The following RBPJ variants were observed in gnomAD, a reference collection of about 807,000 sequenced individuals.
The protein encoded by RBPJ is recombination signal binding protein for immunoglobulin kappa J region, also known as recombining binding protein suppressor of hairless.
A neutral mutation model predicts 67.8 loss-of-function variants in RBPJ; 9 were observed. That is an observed-to-expected ratio of 0.13 (90% CI 0.08 to 0.23). RBPJ has a LOEUF of 0.23. Among genes scored for constraint, RBPJ ranks in the 10% least tolerant of loss-of-function variants. The probability of loss-of-function intolerance (pLI) is 1.00; values close to 1 mark genes in which losing one functional copy is unlikely to be tolerated. For synonymous variants in RBPJ, 198 were observed against 203.3 expected (o/e 0.97, Z 0.22); for missense variants, 305 against 595.6 (o/e 0.51, Z 5.08).
chr4:26,384,772 T>TCCTCCTCTCTCCTCTCC, intron 1 of RBPJ, among the ~76,000 whole-genome samples: 1 of 148,676 alleles, frequency 6.7e-6, no homozygotes, highest in Non-Finnish European at 1.5e-5. Flanking sequence ...CTATTCCCTC[T>TCCTCCTCTCTCCTCTCC]CCTCCTCTCT....
chr4:26,409,619 C>T (rs950003666), intron 3 of RBPJ, among the ~76,000 whole-genome samples: 2 of 152,186 alleles, frequency 1.3e-5, no homozygotes, highest in Non-Finnish European at 2.9e-5. Flanking sequence ...CCTGCCTCAG[C>T]CTCCCAAGTA....
At chr4:26,363,999 A>C (rs1446462851) in intron 1 of RBPJ, among the ~76,000 whole-genome samples, 4 of 152,194 alleles carry the variant, frequency 2.6e-5, no homozygotes, top group Non-Finnish European at 5.9e-5. Context: ...TTTGGTATTA[A>C]ATGTTCTTTT....
rs1469941014 is a variant in RBPJ at position 26,311,262 on chromosome 4, CG to C, written c.-166-51183del. Among the ~76,000 whole-genome samples, 4 of 152,102 alleles carry C rather than the reference CG, an allele frequency of 2.6e-5. No individual in the cohort carries two copies. The South Asian group carries it at 6.2e-4, about 24-fold the overall frequency. The stretch of plus-strand genomic sequence containing the variant: ...TGAAATGCATCACTGTGGGGCCAGG[CG>C]CGGTGGCTCACGCCTGTAATCCTAG... On this transcript the variant is annotated intron_variant, in intron 1 of 4. Coordinates refer to the RBPJ transcript ENST00000512351.
In RBPJ at chr4:26,386,405, T is replaced by G. The variant is rs199615378; in HGVS notation, c.59+14T>G. ...ACGACTTACTAGGTGAGTATTATAT[T>G]AGTCAGCTTTTTACACATACATTTT... On this transcript the variant is annotated intron_variant, in intron 2 of 10. Coordinates refer to ENST00000355476, the MANE Select transcript of RBPJ (RefSeq NM_015874.6). 1 of 1,563,750 alleles carries G rather than the reference T, an allele frequency of 6.4e-7. No individual in the cohort carries two copies. The highest frequency in any genetic ancestry group is 1.8e-5 in the Admixed American group (1 of 55,792).
rs577249360 is a variant in RBPJ at position 26,197,933 on chromosome 4, A to G, written c.-167+34319A>G. ...TGACTATATCGGCCACTTTCCATAT[A>G]TTACTTTGTGTAATTTTCATTATAA... On this transcript the variant is annotated intron_variant, in intron 1 of 4. Transcript: ENST00000512351. Among the ~76,000 whole-genome samples the G allele has an allele frequency of 6.6e-5, 10 of 152,256 alleles. No homozygotes were observed. In the South Asian group the frequency reaches 1.9e-3, roughly 28 times the overall value.
chr4:26,379,112 T>C (rs548639407), intron 1 of RBPJ, among the ~76,000 whole-genome samples: 2 of 152,288 alleles, frequency 1.3e-5, no homozygotes, highest in African/African-American at 4.8e-5. Context: ...AGGAAGTACA[T>C]TTCTTCACCT....
intron 2 of RBPJ, among the ~76,000 whole-genome samples, chr4:26,404,273 G>T (rs906575099): frequency 2.0e-5 from 3 of 151,976 alleles, no homozygotes; most frequent in African/African-American, 7.2e-5. Flanking sequence ...ATAGATGCTG[G>T]ATAGTAGACC....
chr4:26,270,405 GAAAGAAAGAAAGAAAGAAA>G (rs1720859484), intron 1 of RBPJ, among the ~76,000 whole-genome samples: 2 of 58,842 alleles, frequency 3.4e-5, no homozygotes, highest in Admixed American at 2.3e-4. Context: ...AAGAAAGAAA[GAAAGAAAGAAAGAAAGAAA>G]GAAAGAAAGA....
At chr4:26,222,724 A>G (rs1281227595) in intron 1 of RBPJ, among the ~76,000 whole-genome samples, 1 of 151,094 alleles carries the variant, frequency 6.6e-6, no homozygotes, top group Non-Finnish European at 1.5e-5. Flanking sequence ...GAATGAATAA[A>G]TGAATGGATG....
At chr4:26,410,635 G>A (rs1457991030) in intron 3 of RBPJ, among the ~76,000 whole-genome samples, 1 of 152,144 alleles carries the variant, frequency 6.6e-6, no homozygotes, top group African/African-American at 2.4e-5. Flanking sequence ...TCCTAAATAT[G>A]GTCCTTGTGA....
intron 1 of RBPJ, among the ~76,000 whole-genome samples, chr4:26,170,022 C>T (rs144785680): frequency 0.021 from 3,130 of 152,256 alleles, 42 homozygotes; most frequent in Non-Finnish European, 0.035. Context: ...ACCCCTTGCG[C>T]TTCCCAAGTG....
chr4:26,289,384 C>CAAAAAAAAAAAAA (rs60159669), intron 1 of RBPJ, among the ~76,000 whole-genome samples: 69 of 78,216 alleles, frequency 8.8e-4, no homozygotes, highest in South Asian at 1.3e-3. Context: ...GACTTGGTCT[C>CAAAAAAAAAAAAA]AAAAAAAAAA....
chr4:26,372,146 A>AG (rs1729222372), intron 1 of RBPJ, among the ~76,000 whole-genome samples: 2 of 152,248 alleles, frequency 1.3e-5, no homozygotes, highest in African/African-American at 4.8e-5. Flanking sequence ...AGGAAGCTAC[A>AG]GGTATAAGTG....
At chr4:26,356,670 A>G (rs1727412657) in intron 1 of RBPJ, among the ~76,000 whole-genome samples, 1 of 152,130 alleles carries the variant, frequency 6.6e-6, no homozygotes, top group South Asian at 2.1e-4. Context: ...GTAGTATTCC[A>G]TATCCATAAT....
intron 1 of RBPJ, among the ~76,000 whole-genome samples, chr4:26,347,880 G>T (rs544978399): frequency 6.6e-6 from 1 of 152,046 alleles, no homozygotes; most frequent in Admixed American, 6.5e-5. Context: ...CAGTAATTCT[G>T]TGACCAAGAG....
the RBPJ span, among the ~76,000 whole-genome samples, chr4:26,137,558 G>A: frequency 1.3e-5 from 2 of 152,242 alleles, no homozygotes; most frequent in Middle Eastern, 3.4e-3. Context: ...TATGGCTGGG[G>A]GTGTGCTGCA....
intron 1 of RBPJ, among the ~76,000 whole-genome samples, chr4:26,202,970 T>TG (rs1369335970): frequency 2.9e-5 from 4 of 138,506 alleles, no homozygotes; most frequent in Non-Finnish European, 4.6e-5. Flanking sequence ...AGGAAGGAAA[T>TG]AAGGAAGGAA....
chr4:26,149,025 A>C, the RBPJ span, among the ~76,000 whole-genome samples: 1 of 152,188 alleles, frequency 6.6e-6, no homozygotes, highest in Non-Finnish European at 1.5e-5. Context: ...TCTCCCCACA[A>C]CATGGAAACA....
chr4:26,126,613 C>A, the RBPJ span, among the ~76,000 whole-genome samples: 2 of 152,338 alleles, frequency 1.3e-5, no homozygotes, highest in South Asian at 4.1e-4. Context: ...TGCTCATTTT[C>A]CAAACTTGTT....
Sources: allele counts gnomAD v4.1 joint callset (sites outside exome capture counted in the v4.1 genomes callset), GRCh38; gene constraint gnomAD v4.1.1; transcripts MANE v1.5; gene names NCBI Gene and HGNC (gene_info 2026-07-23, HGNC 2026-07-21).